CMTM4: variants seen among roughly 807,000 people sequenced by gnomAD.
The protein encoded by CMTM4 is CKLF like MARVEL transmembrane domain containing 4, also known as CKLF-like MARVEL transmembrane domain-containing protein 4.
Under a neutral mutation model 19.0 loss-of-function variants are expected in CMTM4, and 8 were observed. That is an observed-to-expected ratio of 0.42 (90% CI 0.25 to 0.76). CMTM4 has a LOEUF of 0.76. Ranked by LOEUF, CMTM4 falls within the 30% of genes least tolerant of loss-of-function variation. The pLI is 0.27. For missense variants in CMTM4, 228 were observed against 290.2 expected (o/e 0.79, Z 1.56); for synonymous variants, 106 against 121.1 (o/e 0.88, Z 0.82).
At chr16:66,660,374 T>C (rs898654933) in intron 1 of CMTM4, among the ~76,000 whole-genome samples, 3 of 116,320 alleles carry the variant, frequency 2.6e-5, no homozygotes, top group African/African-American at 1.1e-4. Context: ...GACAATAGGG[T>C]GAGATCCTGT....
intron 2 of CMTM4, among the ~76,000 whole-genome samples, chr16:66,629,004 T>G (rs574698888): frequency 1.3e-5 from 2 of 152,224 alleles, no homozygotes; most frequent in East Asian, 1.9e-4. Flanking sequence ...GTTTTTGGGG[T>G]TTTTTTGTTG....
intron 1 of CMTM4, among the ~76,000 whole-genome samples, chr16:66,680,896 TC>T (rs1233343349): frequency 4.0e-5 from 6 of 151,818 alleles, no homozygotes; most frequent in African/African-American, 1.4e-4. Context: ...CCTTCTTTTC[TC>T]ACTGGATCTA....
At chr16:66,639,477 T>TA (rs998992466) in intron 1 of CMTM4, among the ~76,000 whole-genome samples, 1 of 152,172 alleles carries the variant, frequency 6.6e-6, no homozygotes, top group African/African-American at 2.4e-5. Context: ...TGTTTTTTTT[T>TA]AAATTACATT....
chr16:66,688,858 T>A (rs2017084719), intron 1 of CMTM4, among the ~76,000 whole-genome samples: 1 of 152,230 alleles, frequency 6.6e-6, no homozygotes, highest in Non-Finnish European at 1.5e-5. Context: ...ATTCTATACA[T>A]GTTTTGTGAG....
intron 2 of CMTM4, among the ~76,000 whole-genome samples, chr16:66,634,509 T>A (rs1272035236): frequency 6.6e-6 from 1 of 151,302 alleles, no homozygotes; most frequent in Admixed American, 6.6e-5. Flanking sequence ...CTGGTATAAA[T>A]TAGTAAGAAA....
Position 66,617,339 on chromosome 16 carries a change from C to G in CMTM4, c.*4719G>C, listed in dbSNP as rs374620860. The G allele has an allele frequency of 1.2e-6, 2 of 1,613,442 alleles. No homozygotes were observed. Among genetic ancestry groups the G allele is most frequent in the Non-Finnish European group, 8.5e-7 (1 of 1,179,818 alleles). ...GTGGGTGATTTTTTCCTTACTGTTACGTTTGTGGAGTAGGAAAAACTAGAA... is the reference window on the plus strand; with the variant it reads ...GTGGGTGATTTTTTCCTTACTGTTAGGTTTGTGGAGTAGGAAAAACTAGAA... On this transcript the variant is annotated 3_prime_UTR_variant, in exon 4 of 4. Coordinates refer to ENST00000394106, the MANE Select transcript of CMTM4 (RefSeq NM_181521.3).
In CMTM4 at chr16:66,618,304, G is replaced by A; in HGVS notation, c.*3754C>T. ...TATTACTCTGTAAACAAGATCTGGAGAAGATGACAGTCAGGCAGTGGCACA... is the reference window on the plus strand; with the variant it reads ...TATTACTCTGTAAACAAGATCTGGAAAAGATGACAGTCAGGCAGTGGCACA... On this transcript the variant is annotated 3_prime_UTR_variant, in exon 4 of 4. Coordinates refer to ENST00000394106, the MANE Select transcript of CMTM4 (RefSeq NM_181521.3). 2 of 985,466 alleles carry A rather than the reference G, an allele frequency of 2.0e-6. No individual in the cohort carries two copies. The highest frequency in any genetic ancestry group is 2.4e-6 in the Non-Finnish European group (2 of 829,936). 61.0% of individuals were successfully genotyped at this position (985,466 alleles called of 1,614,324 possible).
At chr16:66,612,090 C>A (rs536404750), downstream of CMTM4, among the ~76,000 whole-genome samples, 11 of 152,266 alleles carry the variant, frequency 7.2e-5, no homozygotes, top group Non-Finnish European at 1.3e-4. This position sits in a 1 kb window ranked among gnomAD's most constrained non-coding sequence, Gnocchi z 6.0. Flanking sequence ...AACACCCCCA[C>A]CTGCACCCGC....
Position 66,668,747 on chromosome 16 carries a change from GTATT to G in CMTM4, c.186+27589_186+27592del. The stretch of plus-strand genomic sequence containing the variant: ...TTTTGAAGAGTTGAGAAACTTGCTG[GTATT>G]TATTTCTTTATATTATTCCTAATAA... On this transcript the variant is annotated intron_variant, in intron 1 of 3. Coordinates refer to ENST00000394106, the MANE Select transcript of CMTM4 (RefSeq NM_181521.3). 2.0e-5 allele frequency among the ~76,000 whole-genome samples: 3 copies of G among 152,032 alleles called. No homozygotes were observed. In the South Asian group the frequency reaches 6.2e-4, roughly 32 times the overall value.
At chr16:66,683,160 C>CGT (rs2016955793) in intron 1 of CMTM4, among the ~76,000 whole-genome samples, 1 of 75,552 alleles carries the variant, frequency 1.3e-5, no homozygotes, top group Non-Finnish European at 2.5e-5. Context: ...TATATATATA[C>CGT]GTATATATAT....
downstream of CMTM4, chr16:66,612,849 G>A: frequency 1.6e-6 from 1 of 610,830 alleles, no homozygotes; most frequent in East Asian, 2.7e-5. This position sits in a 1 kb window ranked among gnomAD's most constrained non-coding sequence, Gnocchi z 6.0. Context: ...GCGTATGAGG[G>A]CATCTTGGGT....
chr16:66,688,804 T>A (rs1290366655), intron 1 of CMTM4, among the ~76,000 whole-genome samples: 1 of 152,244 alleles, frequency 6.6e-6, no homozygotes, highest in African/African-American at 2.4e-5. Flanking sequence ...ATTTTGGTCA[T>A]CTTTGATTTC....
chr16:66,609,905 T>C (rs375432807), downstream of CMTM4: 62 of 1,614,020 alleles, frequency 3.8e-5, no homozygotes, highest in Non-Finnish European at 4.6e-5. The surrounding 1 kb of genome is among the most constrained non-coding windows in gnomAD (Gnocchi z 4.4). Context: ...TTTGCTACCA[T>C]CGTGTTTGCA....
intron 1 of CMTM4, among the ~76,000 whole-genome samples, chr16:66,689,205 T>C (rs1339063444): frequency 1.3e-5 from 2 of 152,234 alleles, no homozygotes; most frequent in African/African-American, 4.8e-5. Flanking sequence ...CTGTTTCCCA[T>C]CATGGGGGAA....
chr16:66,654,662 C>G (rs867408365), intron 1 of CMTM4, among the ~76,000 whole-genome samples: 2 of 152,302 alleles, frequency 1.3e-5, no homozygotes, highest in Admixed American at 1.3e-4. Flanking sequence ...GGCCCTGGCC[C>G]GTGATCCCAG....
chr16:66,683,165 A>ATATATACG (rs1567432138), intron 1 of CMTM4, among the ~76,000 whole-genome samples: 3 of 104,630 alleles, frequency 2.9e-5, no homozygotes, highest in African/African-American at 1.0e-4. Context: ...ATATACGTAT[A>ATATATACG]TATATATATA....
At chr16:66,635,195 G>C (rs567313888) in intron 2 of CMTM4, among the ~76,000 whole-genome samples, 1 of 152,124 alleles carries the variant, frequency 6.6e-6, no homozygotes, top group Non-Finnish European at 1.5e-5. Context: ...AAAAATAGTT[G>C]AGACATTACA....
chr16:66,614,415 A>T (rs902716421), downstream of CMTM4, among the ~76,000 whole-genome samples: 4 of 152,224 alleles, frequency 2.6e-5, no homozygotes, highest in African/African-American at 9.6e-5. The surrounding 1 kb of genome is among the most constrained non-coding windows in gnomAD (Gnocchi z 4.9). Context: ...TGGTTGCATA[A>T]CAGCCCAGAG....
the CMTM4 span, among the ~76,000 whole-genome samples, chr16:66,602,544 T>TTC: frequency 6.6e-6 from 1 of 152,028 alleles, no homozygotes; most frequent in African/African-American, 2.4e-5. Flanking sequence ...CTTCTTCTTC[T>TTC]TTTTTCTTTC....
Sources: allele counts gnomAD v4.1 joint callset (sites outside exome capture counted in the v4.1 genomes callset), GRCh38; gene constraint gnomAD v4.1.1; non-coding constraint Gnocchi (gnomAD v3.1); transcripts MANE v1.5; gene names NCBI Gene and HGNC (gene_info 2026-07-23, HGNC 2026-07-21).